Variants in CD247 observed in about 807,000 individuals in gnomAD.
The protein encoded by CD247 is CD247 molecule, also known as T-cell surface glycoprotein CD3 zeta chain.
Under a neutral mutation model 30.0 loss-of-function variants are expected in CD247, and 13 were observed. The observed-to-expected ratio is 0.43, with a 90% CI of 0.28 to 0.69. The LOEUF is 0.69. Among genes scored for constraint, CD247 ranks in the 30% least tolerant of loss-of-function variants. The pLI is 0.16. For missense variants in CD247, 193 were observed against 212.6 expected (o/e 0.91, Z 0.57); for synonymous variants, 72 against 80.0 (o/e 0.90, Z 0.53).
intron 1 of CD247, among the ~76,000 whole-genome samples, chr1:167,506,773 A>G (rs773408335): frequency 6.6e-6 from 1 of 152,186 alleles, no homozygotes; most frequent in Non-Finnish European, 1.5e-5. Context: ...TAAATGTAAA[A>G]TCTTACATTA....
At chr1:167,496,624 A>G (rs1654702135) in intron 1 of CD247, among the ~76,000 whole-genome samples, 1 of 152,164 alleles carries the variant, frequency 6.6e-6, no homozygotes, top group South Asian at 2.1e-4. Flanking sequence ...GGGCCAAGAG[A>G]GAAATTAGCA....
At chr1:167,463,537 G>A (rs1459471874) in intron 1 of CD247, among the ~76,000 whole-genome samples, 1 of 152,158 alleles carries the variant, frequency 6.6e-6, no homozygotes, top group Non-Finnish European at 1.5e-5. Flanking sequence ...AGTCTGCTGG[G>A]ATATTTAGAA....
intron 1 of CD247, among the ~76,000 whole-genome samples, chr1:167,515,295 A>G (rs555059454): frequency 6.6e-6 from 1 of 152,338 alleles, no homozygotes; most frequent in African/African-American, 2.4e-5. Flanking sequence ...TGCACCCACA[A>G]TAGCCCTTTG....
chr1:167,508,407 G>A (rs2102113807), intron 1 of CD247, among the ~76,000 whole-genome samples: 1 of 152,360 alleles, frequency 6.6e-6, no homozygotes, highest in East Asian at 1.9e-4. Flanking sequence ...TCAGCAGGGA[G>A]ATGGATGGGT....
chr1:167,453,236 G>A (rs1469431450), intron 1 of CD247, among the ~76,000 whole-genome samples: 1 of 152,160 alleles, frequency 6.6e-6, no homozygotes, highest in Admixed American at 6.5e-5. Context: ...AACAACAATT[G>A]AGTGAGGTAA....
At chr1:167,474,750 G>C (rs1653674797) in intron 1 of CD247, among the ~76,000 whole-genome samples, 1 of 141,418 alleles carries the variant, frequency 7.1e-6, no homozygotes, top group Admixed American at 7.1e-5. Context: ...GGTTAAAACT[G>C]TCTTTTTTTT....
chr1:167,463,300 A>G (rs941346714), intron 1 of CD247, among the ~76,000 whole-genome samples: 3 of 152,198 alleles, frequency 2.0e-5, no homozygotes, highest in African/African-American at 7.2e-5. Flanking sequence ...CAGCAAACTC[A>G]GAAACCCACG....
intron 1 of CD247, among the ~76,000 whole-genome samples, chr1:167,466,606 G>T (rs1207047204): frequency 6.6e-6 from 1 of 152,156 alleles, no homozygotes; most frequent in Non-Finnish European, 1.5e-5. Flanking sequence ...GTGTATGTGT[G>T]TATATACATA....
chr1:167,490,555 G>A (rs924907893), intron 1 of CD247, among the ~76,000 whole-genome samples: 10 of 152,214 alleles, frequency 6.6e-5, no homozygotes, highest in African/African-American at 2.4e-4. Flanking sequence ...CCTGCGAGGC[G>A]GAGGTTGCAG....
intron 1 of CD247, among the ~76,000 whole-genome samples, chr1:167,464,227 C>G (rs1653142645): frequency 6.6e-6 from 1 of 151,990 alleles, no homozygotes. Context: ...TAATTTCCCC[C>G]AAGCAGATGC....
At chr1:167,461,313 C>T (rs1399781668) in intron 1 of CD247, among the ~76,000 whole-genome samples, 1 of 152,248 alleles carries the variant, frequency 6.6e-6, no homozygotes, top group Non-Finnish European at 1.5e-5. Flanking sequence ...ACTATCAGAG[C>T]CAATGGCAGC....
At chr1:167,474,717 A>G (rs764186495) in intron 1 of CD247, among the ~76,000 whole-genome samples, 14 of 151,606 alleles carry the variant, frequency 9.2e-5, no homozygotes, top group South Asian at 8.4e-4. Context: ...CAACTTGAGC[A>G]TATAAGAAAA....
In CD247 at chr1:167,517,283, A is replaced by G. The variant is rs734173; in HGVS notation, c.58+1125T>C. On this transcript the variant is annotated intron_variant, in intron 1 of 7. Coordinates refer to ENST00000362089, the MANE Select transcript of CD247 (RefSeq NM_198053.3). ...CTCCCTGGTGGGAGCAGAAGTGCCC[A>G]TGGCCTCTCCTGCCCTCCCAACAGG... is the stretch of plus-strand genomic sequence containing the variant. Among the ~76,000 whole-genome samples, 306 of 152,280 alleles carry G rather than the reference A, an allele frequency of 2.0e-3. 3 individuals carry two copies. Among genetic ancestry groups the G allele is most frequent in the African/African-American group, 6.9e-3 (287 of 41,562 alleles).
chr1:167,503,188 C>G (rs1015797355), intron 1 of CD247, among the ~76,000 whole-genome samples: 1 of 152,196 alleles, frequency 6.6e-6, no homozygotes, highest in African/African-American at 2.4e-5. Flanking sequence ...TGCCGGTATT[C>G]AAAATGAACC....
chr1:167,433,931 G>T, intron 6 of CD247, 89 bp downstream of exon 6: 1 of 1,179,006 alleles, frequency 8.5e-7, no homozygotes, highest in South Asian at 1.2e-5. Flanking sequence ...CAGCTGGGAT[G>T]AGAAGTGGAT....
intron 1 of CD247, among the ~76,000 whole-genome samples, chr1:167,470,844 T>G (rs1373577330): frequency 6.6e-6 from 1 of 151,686 alleles, no homozygotes; most frequent in Non-Finnish European, 1.5e-5. Flanking sequence ...AACACAAATA[T>G]TTTATTCCAC....
intron 1 of CD247, among the ~76,000 whole-genome samples, chr1:167,498,555 C>T (rs901805269): frequency 5.3e-5 from 8 of 152,172 alleles, no homozygotes; most frequent in South Asian, 2.1e-4. Context: ...GTACAGTAAT[C>T]GAAAACATTT....
intron 1 of CD247, among the ~76,000 whole-genome samples, chr1:167,493,897 T>A (rs927161755): frequency 6.6e-6 from 1 of 152,224 alleles, no homozygotes; most frequent in Non-Finnish European, 1.5e-5. Context: ...AGGAAGCATG[T>A]GCCCTGGTCA....
Position 167,518,497 on chromosome 1 carries a change from G to A in CD247, c.-32C>T. On this transcript the variant is annotated 5_prime_UTR_variant, in exon 1 of 8. Transcript: ENST00000362089. ...CTTTCCCTCAGAAAGAGGCTGGGAG[G>A]CAGAGGCTGAGGCAGCGGTGGCCGG... 1.2e-6 allele frequency: 2 copies of A among 1,605,764 alleles called. No homozygotes were observed.
Sources: gnomAD v4.1 joint callset for allele counts (sites outside exome capture counted in the v4.1 genomes callset) on GRCh38, gnomAD v4.1.1 for gene constraint, MANE v1.5 for transcripts, NCBI Gene and HGNC (gene_info 2026-07-23, HGNC 2026-07-21) for gene names.